Variants in AKAP3 observed in about 807,000 individuals in gnomAD.
AKAP3 encodes the protein A-kinase anchoring protein 3, also known as A-kinase anchor protein 3.
Under a neutral mutation model 57.2 loss-of-function variants are expected in AKAP3, and 27 were observed. That is an observed-to-expected ratio of 0.47 (90% CI 0.35 to 0.65). The LOEUF (loss-of-function observed/expected upper bound fraction) is 0.65. AKAP3 is among the 30% of genes least tolerant of loss of function. AKAP3 has a pLI of 0.01. For missense variants in AKAP3, 959 were observed against 1,040.0 expected (o/e 0.92, Z 1.07); for synonymous variants, 334 against 392.3 (o/e 0.85, Z 1.76).
chr12:4,627,928 T>A lies in AKAP3; in HGVS notation c.974A>T (p.His325Leu), dbSNP rs149052688. The A allele has an allele frequency of 8.3e-4, 1,341 of 1,614,166 alleles. 4 individuals are homozygous for A. The highest frequency in any genetic ancestry group is 1.0e-3 in the Non-Finnish European group (1,212 of 1,180,018). ...GAGATCCGAGACCACCTCTTTTGCATGCTTGAGCAGAACCTTCTTCAGTAG... is the reference window on the plus strand; with the variant it reads ...GAGATCCGAGACCACCTCTTTTGCAAGCTTGAGCAGAACCTTCTTCAGTAG... Reference protein sequence around the residue: ...TILLKKVLLKHAKEVVSDLID... With the variant: ...TILLKKVLLKLAKEVVSDLID... Residue 325 changes from histidine (H) to leucine (L), a missense_variant, in exon 5 of 6, where the codon CAT becomes CTT. Transcript: ENST00000228850.
Position 4,634,223 on chromosome 12 carries a change from A to G in AKAP3, c.96+3878T>C, listed in dbSNP as rs567209823. Reference sequence around the variant, plus strand: ...AATGAAGGTTGGAAAACAAGGCTACAAGATTGTTACTAACATATTGCAATA... The same window carrying G: ...AATGAAGGTTGGAAAACAAGGCTACGAGATTGTTACTAACATATTGCAATA... On this transcript the variant is annotated intron_variant, in intron 4 of 5. Coordinates refer to ENST00000228850, the MANE Select transcript of AKAP3 (RefSeq NM_001278309.2). Among the ~76,000 whole-genome samples, 168 of 152,302 alleles carry G rather than the reference A, an allele frequency of 1.1e-3. 1 individual carries two copies. Among genetic ancestry groups the G allele is most frequent in the Non-Finnish European group, 2.2e-3 (147 of 68,014 alleles).
chr12:4,627,728 C>G lies in AKAP3; in HGVS notation c.1174G>C (p.Glu392Gln). Residue 392 changes from glutamate to glutamine, a missense_variant, in exon 5 of 6, where the codon GAG (glutamate) becomes CAG (glutamine). By Grantham distance (29) the Glu-to-Gln change is conservative (BLOSUM62 2). Transcript: ENST00000228850. The stretch of plus-strand genomic sequence containing the variant: ...TTGTCTTGGGCTTTCCTGACATGCT[C>G]AGGGACTTTCTTGGCAAACATTACA... The part of the protein sequence containing the change: ...YNVMFAKKVP[E>Q]HVRKAQDKAE... The G allele has an allele frequency of 6.2e-7, 1 of 1,614,144 alleles. No individual in the cohort carries two copies. The highest frequency in any genetic ancestry group is 2.2e-5 in the East Asian group (1 of 44,878).
chr12:4,628,867 A>G, intron 4 of AKAP3, 62 bp from the exon 5 acceptor site: 1 of 1,506,428 alleles, frequency 6.6e-7, no homozygotes, highest in Non-Finnish European at 8.9e-7. Context: ...TATTCAAGAC[A>G]ACCTCAAAGT....
intron 5 of AKAP3, among the ~76,000 whole-genome samples, chr12:4,621,676 TATG>T (rs946269333): frequency 6.6e-6 from 1 of 152,178 alleles, no homozygotes; most frequent in African/African-American, 2.4e-5. Context: ...TACCGTCTAT[TATG>T]TTCACACAAT....
intron 5 of AKAP3, among the ~76,000 whole-genome samples, chr12:4,620,177 T>C (rs1046831717): frequency 1.3e-5 from 2 of 151,948 alleles, no homozygotes; most frequent in African/African-American, 4.8e-5. Context: ...ATAGAAAGTT[T>C]AGAAAAAGAA....
At chr12:4,623,401 T>A (rs921177723) in intron 5 of AKAP3, among the ~76,000 whole-genome samples, 1 of 152,322 alleles carries the variant, frequency 6.6e-6, no homozygotes, top group East Asian at 1.9e-4. Flanking sequence ...ATGTGGTACA[T>A]ATACACCATG....
In AKAP3 at chr12:4,625,376, T is replaced by C. The variant is rs1990314; in HGVS notation, c.2406+1120A>G. 0.37 allele frequency among the ~76,000 whole-genome samples: 55,901 copies of C among 151,902 alleles called. 10,583 individuals carry two copies. Among genetic ancestry groups the C allele is most frequent in the East Asian group, 0.67 (3,441 of 5,154 alleles). On this transcript the variant is annotated intron_variant, in intron 5 of 5. Coordinates refer to ENST00000228850, the MANE Select transcript of AKAP3 (RefSeq NM_001278309.2). This position sits in a 1 kb window ranked among gnomAD's most constrained non-coding sequence, Gnocchi z 5.4. ...ACTTTAAGTAGCACGTGTAGTCTTT[T>C]TAAGACCAAAGTCAAAGACCATACA... is the stretch of plus-strand genomic sequence containing the variant.
intron 5 of AKAP3, among the ~76,000 whole-genome samples, chr12:4,622,417 C>G (rs779438994): frequency 6.6e-6 from 1 of 152,152 alleles, no homozygotes; most frequent in African/African-American, 2.4e-5. Context: ...CAGCATGGTA[C>G]TGGTACAAAA....
At chr12:4,617,872 C>T (rs996684220) in intron 5 of AKAP3, among the ~76,000 whole-genome samples, 13 of 151,902 alleles carry the variant, frequency 8.6e-5, no homozygotes, top group Admixed American at 7.2e-4. Flanking sequence ...ATAAAGGAAC[C>T]TTATATGGTA....
chr12:4,616,030 G>T, intron 5 of AKAP3, 136 bp from the exon 6 acceptor site: 1 of 1,044,862 alleles, frequency 9.6e-7, no homozygotes, highest in Non-Finnish European at 1.4e-6. Context: ...TTGCTGGCCT[G>T]TTTAACAGAA....
intron 4 of AKAP3, among the ~76,000 whole-genome samples, chr12:4,636,959 T>C (rs1427550749): frequency 6.6e-6 from 1 of 152,068 alleles, no homozygotes; most frequent in Non-Finnish European, 1.5e-5. Flanking sequence ...TTGCCTGGGC[T>C]GGTCTCCAAC....
intron 5 of AKAP3, among the ~76,000 whole-genome samples, chr12:4,618,821 G>A (rs1199752066): frequency 2.0e-5 from 3 of 152,080 alleles, no homozygotes; most frequent in South Asian, 2.1e-4. Context: ...GTGATAAATC[G>A]GCTGTCATCT....
At chr12:4,620,942 C>T (rs1265064198) in intron 5 of AKAP3, among the ~76,000 whole-genome samples, 1 of 152,152 alleles carries the variant, frequency 6.6e-6, no homozygotes, top group Non-Finnish European at 1.5e-5. Flanking sequence ...TCAGGCAGGT[C>T]CTTCAGGACA....
rs545027538 is a variant in AKAP3 at position 4,620,853 on chromosome 12, C to T, written c.2407-4959G>A. On this transcript the variant is annotated intron_variant, in intron 5 of 5. Transcript: ENST00000228850. ...TAATAAATGACTACATTACTGATTT[C>T]TGTATCACTGTACTATACTTTTGGT... Among the ~76,000 whole-genome samples the T allele has an allele frequency of 3.9e-5, 6 of 152,314 alleles. No homozygotes were observed. In the South Asian group the frequency reaches 6.2e-4, roughly 16 times the overall value.
In AKAP3 at chr12:4,615,849, C is replaced by G. The variant is rs572231750; in HGVS notation, c.2452G>C (p.Gly818Arg). The G allele has an allele frequency of 1.9e-6, 3 of 1,614,210 alleles. No individual in the cohort carries two copies. Among genetic ancestry groups the G allele is most frequent in the East Asian group, 2.2e-5 (1 of 44,880 alleles). The change falls in exon 6 of 6, where the codon GGC (glycine) becomes CGC (arginine). Residue 818 changes from glycine (G) to arginine (R), a missense_variant. By Grantham distance (125) the Gly-to-Arg change is moderately radical. Transcript: ENST00000228850. ...CGCAGCACCGACTGCAGAACCTCGC[C>G]CACACTGCATCCTTTGTCCACAGCA... ...AAAVDKGCSV[G>R]EVLQSVLRYE...
Position 4,626,596 on chromosome 12 carries a change from T to C in AKAP3, c.2306A>G (p.Gln769Arg). The change falls in exon 5 of 6, where the codon CAG becomes CGG. Residue 769 changes from glutamine (Q) to arginine (R), a missense_variant. By Grantham distance (43) the Gln-to-Arg change is conservative (BLOSUM62 1). Transcript: ENST00000228850. ...VSNHNLTDTV[Q>R]NKQLQAVLQW... ...AAGGACGGCTTGGAGTTGCTTGTTC[T>C]GAACTGTGTCCGTTAGGTTGTGATT... The C allele has an allele frequency of 6.2e-7, 1 of 1,614,238 alleles. No individual in the cohort carries two copies.
At chr12:4,648,572 C>A (rs553932053) in intron 1 of AKAP3, 173 bp downstream of exon 1, 1 of 152,304 alleles carries the variant, frequency 6.6e-6, no homozygotes, top group East Asian at 1.9e-4. Context: ...CGCAAGGGTC[C>A]CTATGAGAGA....
At chr12:4,647,267 G>T (rs1945711180) in intron 1 of AKAP3, among the ~76,000 whole-genome samples, 1 of 152,048 alleles carries the variant, frequency 6.6e-6, no homozygotes, top group Non-Finnish European at 1.5e-5. Flanking sequence ...ACCTTTTGAG[G>T]TACCAGGGTA....
Position 4,633,272 on chromosome 12 carries a change from T to G in AKAP3, c.97-4467A>C, listed in dbSNP as rs981036098. On this transcript the variant is annotated intron_variant, in intron 4 of 5. Transcript: ENST00000228850. The stretch of plus-strand genomic sequence containing the variant: ...AAATCCATCTCTACAAAAAATATAT[T>G]TTAAAAGATAAATAAAATTTAAAAA... Among the ~76,000 whole-genome samples, 3 of 151,672 alleles carry G rather than the reference T, an allele frequency of 2.0e-5. No individual in the cohort carries two copies. In the South Asian group the frequency reaches 6.2e-4, roughly 32 times the overall value.
Sources: gnomAD v4.1 joint callset for allele counts (sites outside exome capture counted in the v4.1 genomes callset) on GRCh38, gnomAD v4.1.1 for gene constraint, Gnocchi (gnomAD v3.1) non-coding constraint, MANE v1.5 for transcripts, NCBI Gene and HGNC (gene_info 2026-07-23, HGNC 2026-07-21) for gene names.